The following FAM135B variants were observed in gnomAD, a reference collection of about 807,000 sequenced individuals.
FAM135B encodes the protein family with sequence similarity 135 member B, also known as protein FAM135B.
A neutral mutation model predicts 127.7 loss-of-function variants in FAM135B; 43 were observed. The observed-to-expected ratio is 0.34, with a 90% CI of 0.26 to 0.43. FAM135B has a LOEUF of 0.43. Among genes scored for constraint, FAM135B ranks in the 20% least tolerant of loss-of-function variants. The pLI, the probability that FAM135B is intolerant of heterozygous loss-of-function variation, is 1.00. For synonymous variants in FAM135B, 670 were observed against 665.1 expected, an observed-to-expected ratio of 1.01 and a Z score of -0.11; for missense variants, 1,558 against 1,725.6, an observed-to-expected ratio of 0.90 and a Z score of 1.72.
chr8:138,147,726 G>A (rs943686774), intron 14 of FAM135B, among the ~76,000 whole-genome samples: 1 of 152,120 alleles, frequency 6.6e-6, no homozygotes, highest in Non-Finnish European at 1.5e-5. Context: ...CAGTACAAAA[G>A]GGGTGAAGCA....
intron 1 of FAM135B, chr8:138,441,764 A>T (rs1013470787): frequency 1.3e-5 from 2 of 151,734 alleles, no homozygotes; most frequent in African/African-American, 4.8e-5. Flanking sequence ...CCTTGATTCA[A>T]ATTCGATCAT....
intron 11 of FAM135B, among the ~76,000 whole-genome samples, chr8:138,176,735 A>G (rs1385777169): frequency 6.6e-6 from 1 of 152,202 alleles, no homozygotes; most frequent in African/African-American, 2.4e-5. Context: ...TTTGAGGTGA[A>G]CGTATCATTT....
chr8:138,440,958 C>A (rs1835726464), intron 1 of FAM135B: 1 of 152,110 alleles, frequency 6.6e-6, no homozygotes, highest in South Asian at 2.1e-4. Flanking sequence ...ACAAAGCCTA[C>A]ACTAGAATAC....
intron 2 of FAM135B, among the ~76,000 whole-genome samples, chr8:138,313,653 G>A (rs1826859416): frequency 1.4e-5 from 2 of 147,060 alleles, no homozygotes; most frequent in African/African-American, 5.0e-5. Flanking sequence ...ACAGGTGTGA[G>A]GCACTGTACC....
chr8:138,463,296 C>T (rs1279715411), intron 1 of FAM135B, among the ~76,000 whole-genome samples: 1 of 152,114 alleles, frequency 6.6e-6, no homozygotes, highest in Non-Finnish European at 1.5e-5. Context: ...CAAAGGAGAA[C>T]ACACACAGTT....
chr8:138,497,380 C>T (rs1258880938), upstream of FAM135B, among the ~76,000 whole-genome samples: 8 of 151,120 alleles, frequency 5.3e-5, no homozygotes, highest in African/African-American at 1.7e-4. Flanking sequence ...CCCGGGTGCC[C>T]AGGGCGCAGG....
At chr8:138,344,984 G>A (rs1459259135) in intron 2 of FAM135B, among the ~76,000 whole-genome samples, 1 of 152,186 alleles carries the variant, frequency 6.6e-6, no homozygotes, top group East Asian at 1.9e-4. Context: ...TCTCCCACGG[G>A]ACTGATGCTC....
At chr8:138,276,535 G>C (rs1217877181) in intron 3 of FAM135B, among the ~76,000 whole-genome samples, 1 of 152,140 alleles carries the variant, frequency 6.6e-6, no homozygotes, top group Non-Finnish European at 1.5e-5. Flanking sequence ...CTCCAGCAGG[G>C]CCTGCCCACT....
intron 3 of FAM135B, among the ~76,000 whole-genome samples, chr8:138,271,273 A>G (rs1449149029): frequency 6.6e-6 from 1 of 152,114 alleles, no homozygotes; most frequent in Non-Finnish European, 1.5e-5. Context: ...TGTCATTTTT[A>G]TTTCTATCTC....
At chr8:138,253,006 G>T (rs889314895) in intron 5 of FAM135B, among the ~76,000 whole-genome samples, 1 of 152,120 alleles carries the variant, frequency 6.6e-6, no homozygotes, top group African/African-American at 2.4e-5. Flanking sequence ...TCACCATGTT[G>T]GGCAGGCTGG....
intron 1 of FAM135B, among the ~76,000 whole-genome samples, chr8:138,404,662 C>T (rs1457956070): frequency 2.0e-5 from 3 of 152,118 alleles, no homozygotes; most frequent in African/African-American, 4.8e-5. Flanking sequence ...ACAATGACAA[C>T]GACTTCACCA....
chr8:138,452,969 G>A (rs150855939), intron 1 of FAM135B, among the ~76,000 whole-genome samples: 522 of 152,250 alleles, frequency 3.4e-3, no homozygotes, highest in Non-Finnish European at 5.8e-3. Context: ...AGCTACCCTC[G>A]GAAGTTCAGC....
At chr8:138,135,650 T>C (rs1369732867) in intron 19 of FAM135B, among the ~76,000 whole-genome samples, 1 of 152,114 alleles carries the variant, frequency 6.6e-6, no homozygotes, top group Non-Finnish European at 1.5e-5. Context: ...TCATTAACAT[T>C]TTCCTCCAAT....
At chr8:138,220,191 C>T (rs1219755978) in intron 7 of FAM135B, among the ~76,000 whole-genome samples, 1 of 152,012 alleles carries the variant, frequency 6.6e-6, no homozygotes, top group Admixed American at 6.6e-5. Context: ...ACTTGAAATG[C>T]TTGGGTTGCC....
At chr8:138,161,692 G>A (rs1012586627) in intron 12 of FAM135B, among the ~76,000 whole-genome samples, 2 of 152,024 alleles carry the variant, frequency 1.3e-5, no homozygotes, top group Admixed American at 6.6e-5. Flanking sequence ...AGGAAATAAC[G>A]GATCTCTTCC....
intron 5 of FAM135B, among the ~76,000 whole-genome samples, chr8:138,256,487 G>GC (rs1420220919): frequency 6.6e-6 from 1 of 152,182 alleles, no homozygotes. Flanking sequence ...CATTTGAGCT[G>GC]CCTGACTAAA....
chr8:138,206,285 G>C (rs62530917), intron 7 of FAM135B, among the ~76,000 whole-genome samples: 1,191 of 12,226 alleles, frequency 0.097, no homozygotes, highest in Non-Finnish European at 0.11. Flanking sequence ...CTCCACCTAC[G>C]CACAGCTCTA....
intron 1 of FAM135B, among the ~76,000 whole-genome samples, chr8:138,422,693 T>C (rs1834583155): frequency 1.3e-5 from 2 of 152,128 alleles, no homozygotes; most frequent in Admixed American, 1.3e-4. Flanking sequence ...GGGTTACAGA[T>C]TTCTGAAAAA....
At chr8:138,390,624 G>A (rs988609453) in intron 1 of FAM135B, among the ~76,000 whole-genome samples, 2 of 152,094 alleles carry the variant, frequency 1.3e-5, no homozygotes, top group Non-Finnish European at 2.9e-5. Context: ...AATATTTATG[G>A]AAATTGAATG....
Sources: gnomAD v4.1 joint callset for allele counts (sites outside exome capture counted in the v4.1 genomes callset) on GRCh38, gnomAD v4.1.1 for gene constraint, MANE v1.5 for transcripts, NCBI Gene and HGNC (gene_info 2026-07-23, HGNC 2026-07-21) for gene names.